CRACD: variants seen among roughly 807,000 people sequenced by gnomAD.
The protein encoded by CRACD is capping protein-inhibiting regulator of actin dynamics.
CRACD carries 56 observed loss-of-function variants against 106.8 expected under a neutral mutation model. The ratio of observed to expected loss-of-function variants is 0.52; its 90% CI spans 0.42 to 0.66. CRACD has a LOEUF of 0.66. Among genes scored for constraint, CRACD ranks in the 30% least tolerant of loss-of-function variants. CRACD has a pLI of 0.00. For synonymous variants in CRACD, 754 were observed against 670.8 expected (o/e 1.12, Z -1.92); for missense variants, 1,730 against 1,623.2 (o/e 1.07, Z -1.13).
At chr4:56,169,607 C>T (rs2109914470) in intron 1 of CRACD, among the ~76,000 whole-genome samples, 1 of 152,230 alleles carries the variant, frequency 6.6e-6, no homozygotes, top group Non-Finnish European at 1.5e-5. Flanking sequence ...AGCAATCTTC[C>T]CACCGCAGCC....
intron 1 of CRACD, among the ~76,000 whole-genome samples, chr4:56,130,247 G>A (rs1357730418): frequency 6.6e-6 from 1 of 152,180 alleles, no homozygotes; most frequent in African/African-American, 2.4e-5. Context: ...CTGGGTGACA[G>A]AGCAAAACCC....
At chr4:56,242,600 C>T (rs1430142543) in intron 2 of CRACD, among the ~76,000 whole-genome samples, 2 of 151,972 alleles carry the variant, frequency 1.3e-5, no homozygotes, top group Non-Finnish European at 2.9e-5. Flanking sequence ...CCCCAAGAAC[C>T]CCTGAAAAGC....
At chr4:56,119,784 A>T (rs1158445818) in intron 1 of CRACD, among the ~76,000 whole-genome samples, 1 of 152,184 alleles carries the variant, frequency 6.6e-6, no homozygotes, top group Non-Finnish European at 1.5e-5. Flanking sequence ...GGACGCTTGC[A>T]GATAGTTGTC....
intron 1 of CRACD, among the ~76,000 whole-genome samples, chr4:56,114,108 A>G (rs1406546691): frequency 6.6e-6 from 1 of 151,944 alleles, no homozygotes; most frequent in Admixed American, 6.6e-5. Flanking sequence ...AAGTGTCTAG[A>G]GTAGGCAACC....
At chr4:56,099,625 G>A (rs1352166420) in intron 1 of CRACD, among the ~76,000 whole-genome samples, 2 of 152,140 alleles carry the variant, frequency 1.3e-5, no homozygotes, top group Admixed American at 6.5e-5. Flanking sequence ...CTCAAGAAAG[G>A]AGGCTCTGTG....
intron 1 of CRACD, among the ~76,000 whole-genome samples, chr4:56,155,444 G>A (rs1207026960): frequency 2.0e-5 from 3 of 152,172 alleles, no homozygotes; most frequent in Non-Finnish European, 4.4e-5. Context: ...GGATACATGA[G>A]GAACCAGGAA....
chr4:56,246,537 C>T (rs369048986), intron 2 of CRACD: 75 of 152,374 alleles, frequency 4.9e-4, no homozygotes, highest in African/African-American at 1.7e-3. Context: ...ACAGTACCTG[C>T]ACTCACCTGA....
chr4:56,117,090 T>C (rs947676683), intron 1 of CRACD, among the ~76,000 whole-genome samples: 1 of 148,772 alleles, frequency 6.7e-6, no homozygotes, highest in African/African-American at 2.5e-5. Context: ...GCACGATCTC[T>C]GCTCACTGCA....
At chr4:56,061,473 C>T (rs970794062) in intron 1 of CRACD, among the ~76,000 whole-genome samples, 4 of 151,782 alleles carry the variant, frequency 2.6e-5, no homozygotes, top group Admixed American at 6.6e-5. Context: ...TATGCCTGGC[C>T]CAAATATCTC....
intron 1 of CRACD, among the ~76,000 whole-genome samples, chr4:56,084,545 A>G (rs1733150524): frequency 6.6e-6 from 1 of 152,260 alleles, no homozygotes; most frequent in African/African-American, 2.4e-5. Flanking sequence ...TAGGATATTA[A>G]TGATGTTGTT....
At chr4:56,112,757 G>C (rs1734160759) in intron 1 of CRACD, among the ~76,000 whole-genome samples, 1 of 152,056 alleles carries the variant, frequency 6.6e-6, no homozygotes, top group Non-Finnish European at 1.5e-5. Context: ...CTTTTTGCTT[G>C]TCAGCTTGCC....
At chr4:56,213,056 T>TC (rs1738489275) in intron 2 of CRACD, among the ~76,000 whole-genome samples, 2 of 152,200 alleles carry the variant, frequency 1.3e-5, no homozygotes, top group African/African-American at 4.8e-5. Context: ...AGGTAGCCTG[T>TC]CTTGGCCATT....
At chr4:56,126,082 A>G (rs964384762) in intron 1 of CRACD, among the ~76,000 whole-genome samples, 1 of 151,962 alleles carries the variant, frequency 6.6e-6, no homozygotes, top group Non-Finnish European at 1.5e-5. Flanking sequence ...ATTCTTTTTG[A>G]TGCTTGTATT....
intron 2 of CRACD, among the ~76,000 whole-genome samples, chr4:56,194,577 T>C (rs1290791473): frequency 6.6e-6 from 1 of 152,152 alleles, no homozygotes; most frequent in Non-Finnish European, 1.5e-5. Flanking sequence ...GATTAGGCCA[T>C]GAGGGCAGAG....
chr4:56,187,839 C>T (rs62310574), intron 2 of CRACD, among the ~76,000 whole-genome samples: 11,938 of 152,146 alleles, frequency 0.078, 556 homozygotes, highest in South Asian at 0.13. Context: ...GTTTCTGCTC[C>T]CACGGAGACC....
chr4:56,290,213 G>A (rs510411), intron 3 of CRACD, among the ~76,000 whole-genome samples: 93,061 of 152,062 alleles, frequency 0.61, 28,736 homozygotes, highest in Middle Eastern at 0.74. Context: ...TTCTGCATGA[G>A]TTTTTACATT....
At chr4:56,078,831 G>T (rs1056340238) in intron 1 of CRACD, among the ~76,000 whole-genome samples, 3 of 152,208 alleles carry the variant, frequency 2.0e-5, no homozygotes, top group African/African-American at 7.2e-5. Flanking sequence ...GAAATATATG[G>T]ATAAAGGGTG....
chr4:56,154,933 G>A (rs554829077), intron 1 of CRACD, among the ~76,000 whole-genome samples: 6 of 152,132 alleles, frequency 3.9e-5, no homozygotes, highest in South Asian at 2.1e-4. Flanking sequence ...TCTGTCATAA[G>A]AAATCTGTTG....
At chr4:56,163,036 A>G (rs1736011605) in intron 1 of CRACD, among the ~76,000 whole-genome samples, 1 of 152,208 alleles carries the variant, frequency 6.6e-6, no homozygotes, top group South Asian at 2.1e-4. Context: ...ACTGTGGGCT[A>G]CATGTGACCA....
Sources: gnomAD v4.1 joint callset for allele counts (sites outside exome capture counted in the v4.1 genomes callset) on GRCh38, gnomAD v4.1.1 for gene constraint, MANE v1.5 for transcripts, NCBI Gene and HGNC (gene_info 2026-07-23, HGNC 2026-07-21) for gene names.